Variants in DLGAP2 observed in about 807,000 individuals in gnomAD.
DLGAP2 encodes disks large-associated protein 2.
A neutral mutation model predicts 100.3 loss-of-function variants in DLGAP2; 26 were observed. That is an observed-to-expected ratio of 0.26 (90% CI 0.19 to 0.36). DLGAP2 has a LOEUF of 0.36. Among genes scored for constraint, DLGAP2 ranks in the 10% least tolerant of loss-of-function variants. The probability of loss-of-function intolerance (pLI) is 1.00; values close to 1 mark genes in which losing one functional copy is unlikely to be tolerated. For synonymous variants in DLGAP2, 886 were observed against 630.1 expected, an observed-to-expected ratio of 1.41 and a Z score of -6.08; for missense variants, 1,858 against 1,453.2, an observed-to-expected ratio of 1.28 and a Z score of -4.53.
chr8:1,319,438 C>T (rs1800844116), intron 3 of DLGAP2, among the ~76,000 whole-genome samples: 1 of 152,196 alleles, frequency 6.6e-6, no homozygotes, highest in Non-Finnish European at 1.5e-5. Flanking sequence ...CTCACTCAGC[C>T]ATCCTCTGTC....
intron 2 of DLGAP2, among the ~76,000 whole-genome samples, chr8:1,145,272 C>T (rs573213618): frequency 6.6e-6 from 1 of 152,156 alleles, no homozygotes; most frequent in Non-Finnish European, 1.5e-5. Flanking sequence ...ACAACTCCCA[C>T]CCACCCACCA....
At chr8:1,087,600 CTG>C (rs1458769416) in intron 2 of DLGAP2, among the ~76,000 whole-genome samples, 1 of 150,508 alleles carries the variant, frequency 6.6e-6, no homozygotes, top group East Asian at 1.9e-4. Context: ...ATCTTCTAGG[CTG>C]TCTCCTTTGG....
At chr8:1,185,733 T>TCA (rs77585255) in intron 2 of DLGAP2, among the ~76,000 whole-genome samples, 81,235 of 139,178 alleles carry the variant, frequency 0.58, 22,490 homozygotes, top group Non-Finnish European at 0.62. Context: ...ACACTCACAC[T>TCA]CACACACACA....
chr8:816,286 T>C (rs941590084), intron 1 of DLGAP2, among the ~76,000 whole-genome samples: 1 of 152,040 alleles, frequency 6.6e-6, no homozygotes, highest in Non-Finnish European at 1.5e-5. Context: ...TTTTTTTTTT[T>C]TTCATTGCAT....
intron 3 of DLGAP2, among the ~76,000 whole-genome samples, chr8:1,306,264 C>T (rs985828192): frequency 6.6e-6 from 1 of 151,894 alleles, no homozygotes. Flanking sequence ...AAAATTAACA[C>T]ACAAAAATCA....
chr8:767,831 G>A (rs540045137), intron 1 of DLGAP2, among the ~76,000 whole-genome samples: 1 of 152,210 alleles, frequency 6.6e-6, no homozygotes, highest in East Asian at 1.9e-4. Flanking sequence ...TGATAGCAAG[G>A]TTTTTATCAA....
At position 1,023,902 on chromosome 8, in the gene DLGAP2, G is replaced by C. The variant is rs1185024833; in HGVS notation, c.73+115936G>C. On this transcript the variant is annotated intron_variant, in intron 2 of 14. Transcript: ENST00000637795. ...GTGTGTGTGTGTGTGTGTGTGTGTA[G>C]TTTGCTTCCGATGCTCTGCAAAATC... Among the ~76,000 whole-genome samples the C allele has an allele frequency of 1.2e-4, 6 of 49,808 alleles. No individual in the cohort carries two copies. In the Admixed American group the frequency reaches 1.5e-3, roughly 13 times the overall value. 32.7% of individuals were successfully genotyped at this position (49,808 alleles called of 152,430 possible).
chr8:1,415,205 A>G (rs1351180823), intron 3 of DLGAP2, among the ~76,000 whole-genome samples: 1 of 152,194 alleles, frequency 6.6e-6, no homozygotes, highest in Admixed American at 6.5e-5. Context: ...TAATCTGTGA[A>G]CTTGACTCCA....
intron 2 of DLGAP2, among the ~76,000 whole-genome samples, chr8:947,034 G>A (rs948752506): frequency 7.2e-5 from 11 of 152,186 alleles, no homozygotes; most frequent in Non-Finnish European, 1.6e-4. Flanking sequence ...CGGCTGGAAC[G>A]GCTTCAGGCT....
chr8:1,158,709 T>C (rs1247030710), intron 2 of DLGAP2, among the ~76,000 whole-genome samples: 1 of 152,248 alleles, frequency 6.6e-6, no homozygotes, highest in Non-Finnish European at 1.5e-5. Flanking sequence ...TTGACCTTTG[T>C]GGGCTGCGCA....
intron 1 of DLGAP2, among the ~76,000 whole-genome samples, chr8:756,629 A>G (rs190961966): frequency 2.1e-4 from 32 of 152,190 alleles, no homozygotes; most frequent in Admixed American, 3.3e-4. Context: ...GTCAAGACCT[A>G]TGCAAGCTGA....
intron 8 of DLGAP2, among the ~76,000 whole-genome samples, chr8:1,645,588 C>T (rs556558399): frequency 3.9e-5 from 6 of 152,288 alleles, no homozygotes; most frequent in Non-Finnish European, 8.8e-5. Context: ...TATGGAGTCA[C>T]ATTTGAAATA....
intron 7 of DLGAP2, among the ~76,000 whole-genome samples, chr8:1,627,515 G>A (rs1263205560): frequency 6.6e-6 from 1 of 152,230 alleles, no homozygotes; most frequent in African/African-American, 2.4e-5. Context: ...ATCGGCAAGT[G>A]TCCTTCAGTC....
chr8:1,565,923 C>T (rs1437347056), intron 6 of DLGAP2, 29 bp downstream of exon 6: 2 of 1,550,552 alleles, frequency 1.3e-6, no homozygotes, highest in African/African-American at 2.7e-5. Flanking sequence ...CTTCCCACTC[C>T]AAGCACTTTC....
intron 2 of DLGAP2, among the ~76,000 whole-genome samples, chr8:983,837 G>T (rs916629600): frequency 1.3e-5 from 2 of 152,154 alleles, no homozygotes; most frequent in South Asian, 4.2e-4. Context: ...ACCAGGTCTC[G>T]CTTTGTTGCC....
chr8:1,339,536 G>T (rs1801371687), intron 3 of DLGAP2, among the ~76,000 whole-genome samples: 1 of 152,246 alleles, frequency 6.6e-6, no homozygotes, highest in Non-Finnish European at 1.5e-5. Flanking sequence ...GTGGGAACAA[G>T]CTTCCGTGTC....
chr8:1,134,659 TGG>T (rs1385972993), intron 2 of DLGAP2, among the ~76,000 whole-genome samples: 1 of 152,172 alleles, frequency 6.6e-6, no homozygotes, highest in Non-Finnish European at 1.5e-5. Context: ...TGCCTGAGAA[TGG>T]GTAATTTATA....
At chr8:896,786 T>C (rs1309170389) in intron 1 of DLGAP2, among the ~76,000 whole-genome samples, 1 of 152,128 alleles carries the variant, frequency 6.6e-6, no homozygotes, top group East Asian at 1.9e-4. Context: ...GAGAAATGAA[T>C]TCTGCTGTTC....
chr8:1,159,582 T>C (rs908099628), intron 2 of DLGAP2, among the ~76,000 whole-genome samples: 2 of 37,086 alleles, frequency 5.4e-5, no homozygotes, highest in Non-Finnish European at 1.2e-4. Flanking sequence ...CACTCTTCTG[T>C]GTATTTTTCT....
Sources: gnomAD v4.1 joint callset for allele counts (sites outside exome capture counted in the v4.1 genomes callset) on GRCh38, gnomAD v4.1.1 for gene constraint, MANE v1.5 for transcripts, NCBI Gene and HGNC (gene_info 2026-07-23, HGNC 2026-07-21) for gene names.